CADPS2: variants seen among roughly 807,000 people sequenced by gnomAD.
CADPS2 encodes the protein calcium-dependent secretion activator 2.
CADPS2 carries 93 observed loss-of-function variants against 172.5 expected under a neutral mutation model. The observed-to-expected ratio is 0.54, with a 90% CI of 0.46 to 0.64. The LOEUF is 0.64. CADPS2 is among the 30% of genes least tolerant of loss of function. The pLI is 0.00. For missense variants in CADPS2, 1,420 were observed against 1,565.9 expected (o/e 0.91, Z 1.57); for synonymous variants, 546 against 555.2 (o/e 0.98, Z 0.23).
At chr7:122,514,915 A>T (rs1448706540) in intron 8 of CADPS2, among the ~76,000 whole-genome samples, 3 of 152,200 alleles carry the variant, frequency 2.0e-5, no homozygotes, top group Non-Finnish European at 2.9e-5. Flanking sequence ...GAACTTGTAA[A>T]AGAATATGTA....
rs781186164 is a variant in CADPS2 at position 122,554,687 on chromosome 7, C to G, written c.1338G>C (p.Val446=). The G allele has an allele frequency of 6.3e-7, 1 of 1,593,538 alleles. No individual in the cohort carries two copies. The highest frequency in any genetic ancestry group is 8.5e-7 in the Non-Finnish European group (1 of 1,170,008). ...LALEDKELGR[V]ILYPTSNSSK... is the part of the protein sequence containing the mutation. ...AGCTATTAGAAGTTGGGTATAATATCACCTGTATGGAAAAAAAAACCCACA... is the reference window on the plus strand; with the variant it reads ...AGCTATTAGAAGTTGGGTATAATATGACCTGTATGGAAAAAAAAACCCACA... Residue 446 remains valine (V), a splice_region_variant and synonymous_variant, in exon 8 of 30, where the codon GTG becomes GTC. Transcript: ENST00000449022.
At chr7:122,848,267 C>A (rs1241187325) in intron 1 of CADPS2, among the ~76,000 whole-genome samples, 2 of 152,176 alleles carry the variant, frequency 1.3e-5, no homozygotes, top group African/African-American at 2.4e-5. Context: ...AAGACAAACC[C>A]TTCCTCTGCG....
At chr7:122,647,488 T>G (rs1335593476) in intron 3 of CADPS2, among the ~76,000 whole-genome samples, 1 of 152,178 alleles carries the variant, frequency 6.6e-6, no homozygotes, top group Admixed American at 6.5e-5. Flanking sequence ...TTTCTGCCAG[T>G]TTGTAACAAA....
At chr7:122,353,498 A>C (rs2038958377) in intron 27 of CADPS2, among the ~76,000 whole-genome samples, 2 of 152,176 alleles carry the variant, frequency 1.3e-5, no homozygotes, top group South Asian at 2.1e-4. Flanking sequence ...TGGCCACAGT[A>C]ATCTTTATCG....
chr7:122,757,111 T>G (rs1305826719), intron 1 of CADPS2, among the ~76,000 whole-genome samples: 1 of 152,120 alleles, frequency 6.6e-6, no homozygotes, highest in African/African-American at 2.4e-5. Context: ...GGCAATGTTT[T>G]TGAACAATGC....
In CADPS2 at chr7:122,320,214, C is replaced by T. The variant is rs745398682; in HGVS notation, c.3842G>A (p.Gly1281Glu). Residue 1281 changes from glycine to glutamate, a missense_variant, in exon 30 of 30, where the codon GGA becomes GAA. Physicochemically the swap from Gly to Glu is moderately conservative, Grantham distance 98. Coordinates refer to ENST00000449022, the MANE Select transcript of CADPS2 (RefSeq NM_017954.11). The part of the protein sequence containing the change: ...EATASVSEGG[G>E]LQGITMKDSD... ...GTCTTTCATAGTAATGCCCTGAAGTCCTCCTCCTTCTGAAACAGAGGCTGT... is the reference window on the plus strand; with the variant it reads ...GTCTTTCATAGTAATGCCCTGAAGTTCTCCTCCTTCTGAAACAGAGGCTGT... 3 of 1,612,822 alleles carry T rather than the reference C, an allele frequency of 1.9e-6. No homozygotes were observed. The highest frequency in any genetic ancestry group is 3.3e-5 in the Admixed American group (2 of 59,884).
intron 1 of CADPS2, among the ~76,000 whole-genome samples, chr7:122,812,189 T>C (rs1355870806): frequency 6.6e-6 from 1 of 152,042 alleles, no homozygotes; most frequent in African/African-American, 2.4e-5. Context: ...AGGTTATATA[T>C]GTTGGTAAAG....
At chr7:122,336,914 A>C (rs1488998617) in intron 28 of CADPS2, among the ~76,000 whole-genome samples, 1 of 152,154 alleles carries the variant, frequency 6.6e-6, no homozygotes, top group Non-Finnish European at 1.5e-5. Flanking sequence ...CTCTGGTGGA[A>C]ATCTAAAGAG....
intron 1 of CADPS2, among the ~76,000 whole-genome samples, chr7:122,819,565 G>T (rs1802510292): frequency 6.6e-6 from 1 of 152,026 alleles, no homozygotes; most frequent in Non-Finnish European, 1.5e-5. Context: ...TAACTGTTGT[G>T]GGTATTGACA....
chr7:122,399,660 C>CTTTTTTTTTTTT lies in CADPS2; in HGVS notation c.2747-6090_2747-6079dup, dbSNP rs1008163151. On this transcript the variant is annotated intron_variant, in intron 20 of 29. Coordinates refer to ENST00000449022, the MANE Select transcript of CADPS2 (RefSeq NM_017954.11). ...CGATAACTCTCTCAAGGGTGGGTTTCTTTTTTTTTTTTTTTTTTTTTTTTT... is the reference window on the plus strand; with the variant it reads ...CGATAACTCTCTCAAGGGTGGGTTTCTTTTTTTTTTTTTTTTTTTTTTTTTTTTTTTTTTTTT... Among the ~76,000 whole-genome samples the CTTTTTTTTTTTT allele has an allele frequency of 4.9e-4, 25 of 51,228 alleles. 4 individuals carry two copies. Among genetic ancestry groups the CTTTTTTTTTTTT allele is most frequent in the Admixed American group, 8.7e-4 (3 of 3,462 alleles). 33.6% of individuals were successfully genotyped at this position (51,228 alleles called of 152,430 possible).
At chr7:122,581,768 G>T (rs554500353) in intron 6 of CADPS2, among the ~76,000 whole-genome samples, 2 of 152,052 alleles carry the variant, frequency 1.3e-5, no homozygotes, top group Non-Finnish European at 1.5e-5. Flanking sequence ...AATTATCTCA[G>T]ATCTATTACT....
At chr7:122,495,784 T>C (rs924042160) in intron 9 of CADPS2, among the ~76,000 whole-genome samples, 5 of 152,212 alleles carry the variant, frequency 3.3e-5, no homozygotes, top group African/African-American at 9.6e-5. Context: ...GCACTCCAGA[T>C]ATAATATTAA....
At chr7:122,742,605 T>C (rs948304594) in intron 1 of CADPS2, among the ~76,000 whole-genome samples, 5 of 152,152 alleles carry the variant, frequency 3.3e-5, no homozygotes, top group East Asian at 1.9e-4. Context: ...AAGCATTCTA[T>C]GTCTATTAAT....
intron 4 of CADPS2, among the ~76,000 whole-genome samples, chr7:122,624,024 T>C (rs1258234760): frequency 1.3e-5 from 2 of 152,202 alleles, no homozygotes; most frequent in Non-Finnish European, 2.9e-5. Flanking sequence ...CTTTTATCAG[T>C]ATTTCCAAAC....
intron 8 of CADPS2, among the ~76,000 whole-genome samples, chr7:122,544,793 G>A (rs2063457563): frequency 6.6e-6 from 1 of 152,270 alleles, no homozygotes; most frequent in Non-Finnish European, 1.5e-5. Flanking sequence ...GAGGGGACAA[G>A]AAAGATTTAG....
intron 3 of CADPS2, among the ~76,000 whole-genome samples, chr7:122,660,186 T>C (rs2109967): frequency 0.5 from 76,586 of 151,922 alleles, 19,628 homozygotes; most frequent in East Asian, 0.73. Context: ...TTGGGGGTTA[T>C]AGCATATTAT....
chr7:122,702,079 C>T, intron 2 of CADPS2: 1 of 1,613,586 alleles, frequency 6.2e-7, no homozygotes, highest in South Asian at 1.1e-5. Flanking sequence ...TTTGACTTCG[C>T]CTCCTGGTGA....
intron 2 of CADPS2, among the ~76,000 whole-genome samples, chr7:122,674,247 C>T (rs1359185976): frequency 2.0e-5 from 3 of 152,316 alleles, no homozygotes; most frequent in Admixed American, 6.5e-5. Flanking sequence ...GAGCCAGCTC[C>T]GGCCTCAGCC....
chr7:122,827,114 T>C (rs1261470783), intron 1 of CADPS2, among the ~76,000 whole-genome samples: 1 of 152,114 alleles, frequency 6.6e-6, no homozygotes, highest in East Asian at 1.9e-4. Context: ...ATAAATCTTA[T>C]AGCCAGTAAA....
Sources: allele counts gnomAD v4.1 joint callset (sites outside exome capture counted in the v4.1 genomes callset), GRCh38; gene constraint gnomAD v4.1.1; transcripts MANE v1.5; gene names NCBI Gene and HGNC (gene_info 2026-07-23, HGNC 2026-07-21).